COG6: variants seen among roughly 807,000 people sequenced by gnomAD.
The protein encoded by COG6 is conserved oligomeric Golgi complex subunit 6.
In COG6, 74 loss-of-function variants were observed where a neutral mutation model predicts 88.8. That is an observed-to-expected ratio of 0.83 (90% CI 0.69 to 1.01). The LOEUF (loss-of-function observed/expected upper bound fraction) is 1.01. Ranked by LOEUF, COG6 falls within the 50% of genes least tolerant of loss-of-function variation. COG6 has a pLI of 0.00. For synonymous variants in COG6, 286 were observed against 278.7 expected (o/e 1.03, Z -0.26); for missense variants, 800 against 797.9 (o/e 1.00, Z -0.03).
chr13:39,739,324 T>TA (rs1470244633), intron 18 of COG6, among the ~76,000 whole-genome samples: 55 of 150,986 alleles, frequency 3.6e-4, no homozygotes, highest in South Asian at 2.1e-4. Context: ...AGTTTAGATT[T>TA]CAAAAAAAAG....
intron 18 of COG6, among the ~76,000 whole-genome samples, chr13:39,776,491 C>G (rs1881467443): frequency 6.6e-6 from 1 of 152,214 alleles, no homozygotes. Flanking sequence ...CCCTTCTGAT[C>G]TTGCACAGTC....
intron 2 of COG6, 49 bp from the exon 3 acceptor site, chr13:39,660,761 T>A: frequency 8.4e-7 from 1 of 1,194,018 alleles, no homozygotes; most frequent in Non-Finnish European, 1.3e-6. Context: ...GAAGAGAATC[T>A]TCTTCTTGCT....
chr13:39,731,875 A>G (rs1593459072), intron 18 of COG6, among the ~76,000 whole-genome samples: 1 of 152,164 alleles, frequency 6.6e-6, no homozygotes, highest in East Asian at 1.9e-4. Context: ...ACAGCTGTGA[A>G]CTGAATGCTT....
intron 8 of COG6, 42 bp downstream of exon 8, chr13:39,682,306 C>A (rs1237958356): frequency 9.0e-7 from 1 of 1,108,614 alleles, no homozygotes; most frequent in African/African-American, 1.5e-5. Context: ...GCCTACTTTT[C>A]TTTTGATATC....
chr13:39,755,688 A>T (rs1408040920), downstream of COG6, among the ~76,000 whole-genome samples: 1 of 135,858 alleles, frequency 7.4e-6, no homozygotes, highest in Non-Finnish European at 1.6e-5. Flanking sequence ...GACCTTGAGG[A>T]TCTGAGCAAG....
intron 18 of COG6, among the ~76,000 whole-genome samples, chr13:39,728,954 C>T (rs1440915545): frequency 7.2e-5 from 11 of 152,140 alleles, no homozygotes; most frequent in African/African-American, 2.2e-4. Context: ...TGAGCCACTG[C>T]GCCCGGCCAA....
chr13:39,759,035 A>T (rs1057386478), intron 18 of COG6, among the ~76,000 whole-genome samples: 1 of 152,230 alleles, frequency 6.6e-6, no homozygotes, highest in African/African-American at 2.4e-5. Flanking sequence ...CCACAGAGAC[A>T]TATAAGTAGA....
chr13:39,722,147 G>C (rs1053026843), intron 15 of COG6, among the ~76,000 whole-genome samples: 1 of 151,590 alleles, frequency 6.6e-6, no homozygotes, highest in African/African-American at 2.4e-5. Context: ...TATTTGCTCT[G>C]TATTACTTTC....
chr13:39,657,228 T>G (rs547290950), intron 1 of COG6, among the ~76,000 whole-genome samples: 1 of 152,278 alleles, frequency 6.6e-6, no homozygotes, highest in South Asian at 2.1e-4. Context: ...ACGGGGTTTC[T>G]CCATGTTGGT....
intron 18 of COG6, among the ~76,000 whole-genome samples, chr13:39,770,650 G>T (rs1168191014): frequency 6.6e-6 from 1 of 152,126 alleles, no homozygotes; most frequent in Non-Finnish European, 1.5e-5. Flanking sequence ...TGATTAAAAA[G>T]AGAAAGAAAT....
At chr13:39,693,419 T>TA (rs1042865372) in intron 11 of COG6, among the ~76,000 whole-genome samples, 1 of 151,966 alleles carries the variant, frequency 6.6e-6, no homozygotes, top group Non-Finnish European at 1.5e-5. Context: ...AGATGTTGTT[T>TA]AAAATCTGCT....
intron 18 of COG6, among the ~76,000 whole-genome samples, chr13:39,772,806 G>C (rs1056780922): frequency 6.6e-6 from 1 of 152,214 alleles, no homozygotes; most frequent in Non-Finnish European, 1.5e-5. Context: ...TGCCCCCATT[G>C]AGGAACTGAA....
At chr13:39,719,976 C>T (rs943757544) in intron 15 of COG6, 149 bp downstream of exon 15, 4 of 605,514 alleles carry the variant, frequency 6.6e-6, no homozygotes. Flanking sequence ...TGCATATACA[C>T]AACACACGCA....
At position 39,687,581 on chromosome 13, in the gene COG6, C is replaced by T. The variant is rs1876729933; in HGVS notation, c.867C>T (p.Gly289=). 1 of 1,613,452 alleles carries T rather than the reference C, an allele frequency of 6.2e-7. No individual in the cohort carries two copies. Among genetic ancestry groups the T allele is most frequent in the Non-Finnish European group, 8.5e-7 (1 of 1,179,906 alleles). ...RGFIDALTRG[G]PGGTPRPIEM... is the part of the protein sequence containing the mutation. Reference sequence around the variant, plus strand: ...TTATTGATGCGCTCACAAGAGGGGGCCCCGGAGGTACACCTAGACCAATTG... The same window carrying T: ...TTATTGATGCGCTCACAAGAGGGGGTCCCGGAGGTACACCTAGACCAATTG... The change falls in exon 9 of 19, where the codon GGC becomes GGT. Residue 289 remains glycine (G), a synonymous_variant. Coordinates refer to ENST00000455146, the MANE Select transcript of COG6 (RefSeq NM_020751.3).
intron 18 of COG6, among the ~76,000 whole-genome samples, chr13:39,786,421 G>C (rs538417243): frequency 6.6e-6 from 1 of 152,326 alleles, no homozygotes; most frequent in East Asian, 1.9e-4. Flanking sequence ...GGTTCTAGGT[G>C]ATCGTGGGAT....
At chr13:39,773,475 T>A (rs545949500) in intron 18 of COG6, among the ~76,000 whole-genome samples, 89 of 152,360 alleles carry the variant, frequency 5.8e-4, no homozygotes, top group African/African-American at 2.1e-3. Context: ...AGAAGCTGCG[T>A]ATGTTTTACC....
intron 13 of COG6, among the ~76,000 whole-genome samples, chr13:39,712,953 A>G (rs923974803): frequency 6.6e-6 from 1 of 152,230 alleles, no homozygotes; most frequent in Non-Finnish European, 1.5e-5. Flanking sequence ...GAAAAGTCAA[A>G]CATACAGAAT....
chr13:39,688,572 G>C (rs538208258), intron 10 of COG6, among the ~76,000 whole-genome samples: 86 of 152,252 alleles, frequency 5.6e-4, no homozygotes, highest in African/African-American at 2.0e-3. Context: ...CCATTCATGA[G>C]AGATGCACTC....
rs1281612977 is a variant in COG6 at position 39,747,651 on chromosome 13, A to G, written c.1827-3295A>G. Among the ~76,000 whole-genome samples the G allele has an allele frequency of 2.0e-5, 3 of 152,028 alleles. No homozygotes were observed. In the East Asian group the frequency reaches 5.8e-4, roughly 29 times the overall value. ...CACTCGTTTAGTTTTAACTGGCTTG[A>G]TTTTATTTAATTATCTGTGTTTATG... On this transcript the variant is annotated intron_variant, in intron 18 of 18. Coordinates refer to ENST00000455146, the MANE Select transcript of COG6 (RefSeq NM_020751.3).
Sources: allele counts gnomAD v4.1 joint callset (sites outside exome capture counted in the v4.1 genomes callset), GRCh38; gene constraint gnomAD v4.1.1; transcripts MANE v1.5; gene names NCBI Gene and HGNC (gene_info 2026-07-23, HGNC 2026-07-21).